Variants in TUBGCP4 observed in about 807,000 individuals in gnomAD.
The protein encoded by TUBGCP4 is tubulin gamma complex component 4, also known as gamma-tubulin complex component 4.
A neutral mutation model predicts 91.6 loss-of-function variants in TUBGCP4; 54 were observed. That is an observed-to-expected ratio of 0.59 (90% confidence interval 0.47 to 0.74). The LOEUF (loss-of-function observed/expected upper bound fraction) is 0.74, where lower values mean the gene tolerates loss of function less well. TUBGCP4 is among the 30% of genes least tolerant of loss of function. TUBGCP4 has a pLI of 0.00. For synonymous variants in TUBGCP4, 297 were observed against 302.8 expected, an observed-to-expected ratio of 0.98 and a Z score of 0.20; for missense variants, 593 against 800.9, an observed-to-expected ratio of 0.74 and a Z score of 3.13.
chr15:43,394,127 A>G (rs2044538025), intron 9 of TUBGCP4: 2 of 142,846 alleles, frequency 1.4e-5, no homozygotes, highest in South Asian at 4.4e-4. Context: ...CCTGTTGCCC[A>G]GGCTGGAGTG....
In TUBGCP4 at chr15:43,407,218, T is replaced by G; in HGVS notation, c.*2004T>G. On this transcript the variant is annotated 3_prime_UTR_variant, in exon 18 of 18. Transcript: ENST00000564079. The stretch of plus-strand genomic sequence containing the variant: ...AAACAGATGAAGAAATCCCAGTTAC[T>G]ACAACCAAAGAGATTCAACATTTAT... 1.6e-6 allele frequency: 1 copy of G among 631,434 alleles called. No homozygotes were observed. 39.1% of individuals were successfully genotyped at this position (631,434 alleles called of 1,614,324 possible).
chr15:43,373,633 A>G (rs577051852), intron 1 of TUBGCP4, among the ~76,000 whole-genome samples: 1 of 151,656 alleles, frequency 6.6e-6, no homozygotes, highest in South Asian at 2.1e-4. Context: ...GTTGGGCTCC[A>G]GAGACCAGGT....
intron 8 of TUBGCP4, 71 bp from the exon 9 acceptor site, chr15:43,386,135 C>G: frequency 6.5e-7 from 1 of 1,547,538 alleles, no homozygotes. Context: ...CTGAGATTAG[C>G]CCTCCCCAGA....
chr15:43,401,841 A>T lies in TUBGCP4; in HGVS notation c.1722A>T (p.Leu574=). ...ATTTGCTGGCTCAATCCTTTATCCT[A>T]TTGAAACCTGTAAGTAAGGCTCATT... ...LSNLLAQSFI[L]LKPVFHCLNE... is the part of the protein sequence containing the mutation. The change falls in exon 15 of 18, where the codon CTA becomes CTT. Residue 574 remains leucine, a synonymous_variant. Coordinates refer to ENST00000564079, the MANE Select transcript of TUBGCP4 (RefSeq NM_014444.5). 1 of 1,614,066 alleles carries T rather than the reference A, an allele frequency of 6.2e-7. No homozygotes were observed. Among genetic ancestry groups the T allele is most frequent in the Non-Finnish European group, 8.5e-7 (1 of 1,179,988 alleles).
At position 43,408,953 on chromosome 15, in the gene TUBGCP4, G is replaced by A; in HGVS notation, c.*3739G>A. The A allele has an allele frequency of 2.5e-6, 4 of 1,614,184 alleles. No homozygotes were observed. Among genetic ancestry groups the A allele is most frequent in the Non-Finnish European group, 2.5e-6 (3 of 1,180,036 alleles). ...ACCCAGCTGGCAACAGATAATTACG[G>A]TAGTTCTGGAGCTGGTTGGCATGGC... On this transcript the variant is annotated 3_prime_UTR_variant, in exon 18 of 18. Coordinates refer to ENST00000564079, the MANE Select transcript of TUBGCP4 (RefSeq NM_014444.5).
chr15:43,385,998 C>T (rs752909230), intron 8 of TUBGCP4, 42 bp downstream of exon 8: 16 of 1,606,976 alleles, frequency 1.0e-5, no homozygotes, highest in Non-Finnish European at 1.4e-5. Flanking sequence ...CTCAAAATCT[C>T]TTCTTCCTTA....
intron 5 of TUBGCP4, among the ~76,000 whole-genome samples, chr15:43,378,849 C>T (rs572456646): frequency 1.3e-5 from 2 of 152,344 alleles, no homozygotes; most frequent in South Asian, 4.1e-4. Flanking sequence ...TGCCCAGTGT[C>T]ACACAGATAG....
chr15:43,386,725 CAAAAAAA>C (rs10718458), intron 9 of TUBGCP4, among the ~76,000 whole-genome samples: 12 of 67,022 alleles, frequency 1.8e-4, no homozygotes, highest in African/African-American at 4.5e-4. Context: ...ACTCTGTCTC[CAAAAAAA>C]AAAAAAAAAA....
chr15:43,395,475 G>C (rs2044565415), intron 10 of TUBGCP4, 108 bp from the exon 11 acceptor site: 1 of 858,164 alleles, frequency 1.2e-6, no homozygotes, highest in Non-Finnish European at 1.9e-6. Context: ...TTTGTAGCTT[G>C]GGCTCAAATT....
At chr15:43,386,365 A>ATTTTTTTT (rs2044365970) in intron 9 of TUBGCP4, 35 bp downstream of exon 9, 1 of 61,712 alleles carries the variant, frequency 1.6e-5, no homozygotes. Flanking sequence ...ATATATATAT[A>ATTTTTTTT]TATATATATA....
intron 2 of TUBGCP4, 104 bp downstream of exon 2, chr15:43,376,330 C>G (rs114592910): frequency 1.9e-6 from 3 of 1,594,930 alleles, no homozygotes; most frequent in African/African-American, 2.7e-5. Flanking sequence ...GTGAATTTAT[C>G]GGTAATTCAT....
At chr15:43,399,497 A>G (rs1334352800) in intron 13 of TUBGCP4, among the ~76,000 whole-genome samples, 1 of 152,120 alleles carries the variant, frequency 6.6e-6, no homozygotes, top group African/African-American at 2.4e-5. Flanking sequence ...GGTGGGCACC[A>G]CCACACCTGG....
intron 1 of TUBGCP4, among the ~76,000 whole-genome samples, chr15:43,372,600 A>G (rs1420307665): frequency 1.4e-5 from 2 of 147,646 alleles, no homozygotes; most frequent in East Asian, 2.0e-4. Flanking sequence ...AGAAGAGATA[A>G]CACAGTACAG....
chr15:43,371,257 G>T lies in TUBGCP4; in HGVS notation c.-98G>T. The T allele has an allele frequency of 8.0e-7, 1 of 1,255,342 alleles. No individual in the cohort carries two copies. The highest frequency in any genetic ancestry group is 1.3e-5 in the South Asian group (1 of 78,550). The allele number at this position is 1,255,342 out of a possible 1,614,324, so 77.8% of individuals were successfully genotyped here. A position where few individuals can be genotyped will look rare whatever the true frequency, so the allele number is the denominator to read the frequency against. ...GCACAAACCGCCCGACCCAGGGGCC[G>T]GTGCGCGTGTGGAAGGGGAAGCACT... On this transcript the variant is annotated 5_prime_UTR_variant, in exon 1 of 18. Transcript: ENST00000564079.
intron 9 of TUBGCP4, among the ~76,000 whole-genome samples, chr15:43,386,639 C>T (rs1227086362): frequency 2.1e-5 from 3 of 143,692 alleles, no homozygotes; most frequent in Admixed American, 7.2e-5. Context: ...GCAGGAGAAT[C>T]GCTTGAACCC....
At position 43,376,625 on chromosome 15, in the gene TUBGCP4, G is replaced by A. The variant is rs757433278; in HGVS notation, c.330G>A (p.Glu110=). The A allele has an allele frequency of 6.2e-7, 1 of 1,614,140 alleles. No homozygotes were observed. The highest frequency in any genetic ancestry group is 2.2e-5 in the East Asian group (1 of 44,876). Residue 110 remains glutamate, a splice_region_variant and synonymous_variant, in exon 3 of 18, where the codon GAG becomes GAA. Coordinates refer to ENST00000564079, the MANE Select transcript of TUBGCP4 (RefSeq NM_014444.5). ...YRQALLDLEQ[E]FLGDPHLSIS... ...AAGCACTGCTTGATTTGGAACAAGA[G>A]GTAAGAAGGAGGAGATATAGGAAAC...
In TUBGCP4 at chr15:43,407,929, ACT is replaced by A. The variant is rs1441453583; in HGVS notation, c.*2718_*2719del. ...TCCCTGGAACAAAGACACTACACAC[ACT>A]CTTTCAGGTACCTTTGTTATGGGCA... On this transcript the variant is annotated 3_prime_UTR_variant, in exon 18 of 18. Coordinates refer to ENST00000564079, the MANE Select transcript of TUBGCP4 (RefSeq NM_014444.5). 3.1e-6 allele frequency: 5 copies of A among 1,607,386 alleles called. No homozygotes were observed. In the Admixed American group the frequency reaches 6.7e-5, roughly 22 times the overall value.
Position 43,409,481 on chromosome 15 carries a change from A to C in TUBGCP4, c.*4267A>C. 1 of 523,126 alleles carries C rather than the reference A, an allele frequency of 1.9e-6. No individual in the cohort carries two copies. The highest frequency in any genetic ancestry group is 3.3e-5 in the South Asian group (1 of 29,970). 32.4% of individuals were successfully genotyped at this position (523,126 alleles called of 1,614,324 possible). ...AGGTCCTACCTTCTCTTCCCTATAC[A>C]CAACAAAAATTCTATTTCATGCAAA... On this transcript the variant is annotated 3_prime_UTR_variant, in exon 18 of 18. Coordinates refer to ENST00000564079, the MANE Select transcript of TUBGCP4 (RefSeq NM_014444.5).
chr15:43,374,166 A>G (rs190981697), intron 1 of TUBGCP4, among the ~76,000 whole-genome samples: 27 of 152,326 alleles, frequency 1.8e-4, no homozygotes, highest in Admixed American at 7.8e-4. Flanking sequence ...ATATCCATCC[A>G]TATAATATGC....
Sources: allele counts gnomAD v4.1 joint callset (sites outside exome capture counted in the v4.1 genomes callset), GRCh38; gene constraint gnomAD v4.1.1; transcripts MANE v1.5; gene names NCBI Gene and HGNC (gene_info 2026-07-23, HGNC 2026-07-21).